DLG2: variants seen among roughly 807,000 people sequenced by gnomAD.
DLG2 encodes the protein discs large MAGUK scaffold protein 2.
In DLG2, 45 loss-of-function variants were observed where a neutral mutation model predicts 132.5. That is an observed-to-expected ratio of 0.34 (90% CI 0.27 to 0.44). The LOEUF (loss-of-function observed/expected upper bound fraction) is 0.44, where lower values mean the gene tolerates loss of function less well. Among genes scored for constraint, DLG2 ranks in the 20% least tolerant of loss-of-function variants. The probability of loss-of-function intolerance (pLI) is 1.00; values close to 1 mark genes in which losing one functional copy is unlikely to be tolerated. For missense variants in DLG2, 1,045 were observed against 1,196.9 expected, an observed-to-expected ratio of 0.87 and a Z score of 1.87; for synonymous variants, 424 against 419.6, an observed-to-expected ratio of 1.01 and a Z score of -0.13.
intron 8 of DLG2, among the ~76,000 whole-genome samples, chr11:84,183,188 A>AGG (rs2096187455): frequency 6.6e-6 from 1 of 152,236 alleles, no homozygotes; most frequent in Non-Finnish European, 1.5e-5. Context: ...CCAATTATCT[A>AGG]CAATCACTTC....
At chr11:84,846,016 C>T (rs2081426435) in intron 6 of DLG2, among the ~76,000 whole-genome samples, 1 of 151,966 alleles carries the variant, frequency 6.6e-6, no homozygotes, top group Non-Finnish European at 1.5e-5. Flanking sequence ...GTCTTCTCGT[C>T]TTCTTTGCTG....
intron 6 of DLG2, among the ~76,000 whole-genome samples, chr11:84,756,558 G>T (rs1400782794): frequency 6.6e-6 from 1 of 152,136 alleles, no homozygotes; most frequent in East Asian, 1.9e-4. Context: ...GAAAAATACA[G>T]ATAATTCCAC....
rs573466710 is a variant in DLG2 at position 84,287,802 on chromosome 11, A to C, written c.520-36511T>G. Among the ~76,000 whole-genome samples, 33 of 150,274 alleles carry C rather than the reference A, an allele frequency of 2.2e-4. No individual in the cohort carries two copies. In the South Asian group the frequency reaches 6.7e-3, roughly 31 times the overall value. On this transcript the variant is annotated intron_variant, in intron 7 of 27. Coordinates refer to ENST00000376104, the MANE Select transcript of DLG2 (RefSeq NM_001142699.3). Reference sequence around the variant, plus strand: ...CACAAATACTTTATTCGTCTATTTCATATAGAAGGAGAAGGTGTCATTAAT... The same window carrying C: ...CACAAATACTTTATTCGTCTATTTCCTATAGAAGGAGAAGGTGTCATTAAT...
chr11:83,959,099 G>A (rs930013812), intron 14 of DLG2, among the ~76,000 whole-genome samples: 2 of 152,136 alleles, frequency 1.3e-5, no homozygotes, highest in Non-Finnish European at 2.9e-5. Flanking sequence ...TAGGGACTCA[G>A]TGAGCATGCT....
At chr11:85,558,143 A>G in intron 3 of DLG2, among the ~76,000 whole-genome samples, 1 of 151,924 alleles carries the variant, frequency 6.6e-6, no homozygotes. Context: ...AACAGGCAAA[A>G]GACATGAACA....
At chr11:84,625,779 G>C (rs779421588) in intron 6 of DLG2, among the ~76,000 whole-genome samples, 12 of 152,098 alleles carry the variant, frequency 7.9e-5, no homozygotes, top group Non-Finnish European at 1.5e-4. Flanking sequence ...TCTTTCTCAT[G>C]ATGGGCCAGA....
At chr11:83,546,267 T>G (rs2096241403) in intron 19 of DLG2, among the ~76,000 whole-genome samples, 1 of 152,182 alleles carries the variant, frequency 6.6e-6, no homozygotes, top group Non-Finnish European at 1.5e-5. Context: ...ATTCATTGTC[T>G]CACTCAATTT....
At chr11:83,605,007 C>CAGAGAGAGAGAGGGAGAGAG (rs2059122390) in intron 19 of DLG2, among the ~76,000 whole-genome samples, 1 of 129,834 alleles carries the variant, frequency 7.7e-6, no homozygotes, top group African/African-American at 2.9e-5. Flanking sequence ...TTTTCAAAGA[C>CAGAGAGAGAGAGGGAGAGAG]AGAGAGAGAG....
Position 85,285,350 on chromosome 11 carries a change from T to A in DLG2, c.56A>T (p.Tyr19Phe). Reference sequence around the variant, plus strand: ...TTGAGAATTTAGCAATGTCACCTCATAAAATTCTTGGATATCTGTAAAGAA... The same window carrying A: ...TTGAGAATTTAGCAATGTCACCTCAAAAAATTCTTGGATATCTGTAAAGAA... ...FQALLDIQEFYEVTLLNSQKS... is the reference protein window; with the variant it reads ...FQALLDIQEFFEVTLLNSQKS... Residue 19 changes from tyrosine (Y) to phenylalanine (F), a missense_variant, in exon 4 of 28, where the codon TAT (tyrosine) becomes TTT (phenylalanine). Transcript: ENST00000376104. The A allele has an allele frequency of 1.2e-6, 2 of 1,610,716 alleles. No homozygotes were observed. Among genetic ancestry groups the A allele is most frequent in the Non-Finnish European group, 8.5e-7 (1 of 1,178,208 alleles).
chr11:85,448,341 G>A (rs1354539566), intron 3 of DLG2, among the ~76,000 whole-genome samples: 1 of 152,034 alleles, frequency 6.6e-6, no homozygotes, highest in Non-Finnish European at 1.5e-5. Context: ...AATTCTCCTT[G>A]AGCATTCAAA....
chr11:83,992,325 GTGC>G (rs1262198728), intron 11 of DLG2, among the ~76,000 whole-genome samples: 1 of 152,128 alleles, frequency 6.6e-6, no homozygotes, highest in Non-Finnish European at 1.5e-5. Context: ...AGTGTGGTAA[GTGC>G]TGCTATGAGA....
chr11:84,784,321 A>AAAATAAATAAATAAAT (rs58436058), intron 6 of DLG2, among the ~76,000 whole-genome samples: 184 of 124,482 alleles, frequency 1.5e-3, no homozygotes, highest in East Asian at 3.3e-3. Context: ...ACTCCACCTC[A>AAAATAAATAAATAAAT]AAATAAATAA....
intron 18 of DLG2, among the ~76,000 whole-genome samples, chr11:83,690,943 A>G (rs1317657160): frequency 1.3e-5 from 2 of 152,206 alleles, no homozygotes; most frequent in African/African-American, 2.4e-5. Flanking sequence ...TTGCACTACA[A>G]TGGCAAAGTT....
At chr11:84,758,625 T>G (rs932039101) in intron 6 of DLG2, among the ~76,000 whole-genome samples, 1 of 152,188 alleles carries the variant, frequency 6.6e-6, no homozygotes, top group Non-Finnish European at 1.5e-5. Flanking sequence ...TTTGTATTAT[T>G]TTAAATCATA....
intron 7 of DLG2, among the ~76,000 whole-genome samples, chr11:84,298,846 G>A (rs769606913): frequency 3.3e-5 from 5 of 152,198 alleles, no homozygotes; most frequent in Admixed American, 2.0e-4. Context: ...TCAGAGAACA[G>A]TGAATAGTTG....
At chr11:85,343,659 C>T (rs1056297942) in intron 3 of DLG2, among the ~76,000 whole-genome samples, 1 of 152,042 alleles carries the variant, frequency 6.6e-6, no homozygotes, top group Non-Finnish European at 1.5e-5. Flanking sequence ...CGTACACGCA[C>T]ATACATACAC....
chr11:85,140,386 G>T (rs1208876885), intron 5 of DLG2, among the ~76,000 whole-genome samples: 1 of 151,788 alleles, frequency 6.6e-6, no homozygotes, highest in Non-Finnish European at 1.5e-5. Context: ...AACAAAGAAA[G>T]GTATGCACAG....
At chr11:84,676,212 G>A (rs1450775127) in intron 6 of DLG2, among the ~76,000 whole-genome samples, 1 of 152,006 alleles carries the variant, frequency 6.6e-6, no homozygotes, top group Non-Finnish European at 1.5e-5. Flanking sequence ...TTGATGATGG[G>A]TTGGCTGTTT....
intron 7 of DLG2, among the ~76,000 whole-genome samples, chr11:84,413,401 G>A (rs1008811186): frequency 4.6e-5 from 7 of 152,184 alleles, no homozygotes; most frequent in African/African-American, 1.7e-4. Context: ...AACAAAGGCA[G>A]AAGATATTTG....
Sources: gnomAD v4.1 joint callset for allele counts (sites outside exome capture counted in the v4.1 genomes callset) on GRCh38, gnomAD v4.1.1 for gene constraint, MANE v1.5 for transcripts, NCBI Gene and HGNC (gene_info 2026-07-23, HGNC 2026-07-21) for gene names.